RPS6KA5: variants seen among roughly 807,000 people sequenced by gnomAD.
The protein encoded by RPS6KA5 is ribosomal protein S6 kinase alpha-5.
RPS6KA5 carries 27 observed loss-of-function variants against 85.5 expected under a neutral mutation model. That is an observed-to-expected ratio of 0.32 (90% CI 0.23 to 0.44). The LOEUF is 0.44. Among genes scored for constraint, RPS6KA5 ranks in the 20% least tolerant of loss-of-function variants. RPS6KA5 has a pLI of 1.00. For missense variants in RPS6KA5, 811 were observed against 980.9 expected, an observed-to-expected ratio of 0.83 and a Z score of 2.31; for synonymous variants, 334 against 348.2, an observed-to-expected ratio of 0.96 and a Z score of 0.46.
At position 90,870,128 on chromosome 14, in the gene RPS6KA5, G is replaced by C. The variant is rs1295039946; in HGVS notation, c.*1946C>G. ...ATTAGCAACATAGTCCCTTTAGTTT[G>C]TACTTTATAACTAGTATTTTCTACC... On this transcript the variant is annotated 3_prime_UTR_variant, in exon 17 of 17. Transcript: ENST00000614987. 2 of 152,082 alleles carry C rather than the reference G, an allele frequency of 1.3e-5. No individual in the cohort carries two copies. Among genetic ancestry groups the C allele is most frequent in the Non-Finnish European group, 2.9e-5 (2 of 68,018 alleles). 9.4% of individuals were successfully genotyped at this position (152,082 alleles called of 1,614,324 possible).
At chr14:90,902,991 C>T in intron 8 of RPS6KA5, 22 bp from the exon 9 acceptor site, 3 of 1,595,830 alleles carry the variant, frequency 1.9e-6, no homozygotes, top group Non-Finnish European at 2.6e-6. Context: ...AAAGTTGGTA[C>T]AAAGTAGAAA....
chr14:90,940,497 T>C (rs903396843), intron 5 of RPS6KA5, among the ~76,000 whole-genome samples: 36 of 152,232 alleles, frequency 2.4e-4, no homozygotes, highest in Non-Finnish European at 2.9e-5. Flanking sequence ...CTAGCAACTC[T>C]GGTCAACTTT....
intron 5 of RPS6KA5, among the ~76,000 whole-genome samples, chr14:90,941,610 G>T (rs1253916488): frequency 6.6e-6 from 1 of 152,174 alleles, no homozygotes; most frequent in East Asian, 1.9e-4. Flanking sequence ...ATAGGATCTG[G>T]GGGTTACCTG....
At chr14:90,901,793 T>C (rs905309181) in intron 9 of RPS6KA5, among the ~76,000 whole-genome samples, 2 of 151,914 alleles carry the variant, frequency 1.3e-5, no homozygotes, top group Non-Finnish European at 2.9e-5. Context: ...CAAATGCCCT[T>C]TTCTAAATAT....
intron 13 of RPS6KA5, among the ~76,000 whole-genome samples, chr14:90,891,954 T>C (rs1313089181): frequency 6.6e-6 from 1 of 151,984 alleles, no homozygotes; most frequent in Admixed American, 6.6e-5. Context: ...ATGACCATGT[T>C]TATTCTATAT....
intron 3 of RPS6KA5, 74 bp from the exon 4 acceptor site, chr14:90,947,624 T>C: frequency 1.2e-6 from 1 of 866,680 alleles, no homozygotes; most frequent in Non-Finnish European, 1.9e-6. Flanking sequence ...TTTAATCACT[T>C]TGGATTCACC....
intron 5 of RPS6KA5, among the ~76,000 whole-genome samples, chr14:90,941,810 T>G (rs1420932694): frequency 6.6e-6 from 1 of 152,214 alleles, no homozygotes; most frequent in Non-Finnish European, 1.5e-5. Context: ...TCTTTTCCCT[T>G]TGGAGTGCAT....
intron 1 of RPS6KA5, among the ~76,000 whole-genome samples, chr14:91,002,286 A>G (rs1318507913): frequency 1.3e-5 from 2 of 152,176 alleles, no homozygotes; most frequent in African/African-American, 4.8e-5. Context: ...ATAGCTATGA[A>G]CACATACGTC....
chr14:90,919,011 C>T (rs1344603820), intron 7 of RPS6KA5, among the ~76,000 whole-genome samples: 1 of 152,164 alleles, frequency 6.6e-6, no homozygotes, highest in Non-Finnish European at 1.5e-5. Context: ...AATGTGAATG[C>T]ATTGAATCTA....
intron 2 of RPS6KA5, among the ~76,000 whole-genome samples, chr14:91,000,534 T>C (rs1015894388): frequency 1.3e-5 from 2 of 152,172 alleles, no homozygotes; most frequent in East Asian, 1.9e-4. Flanking sequence ...CAGTGGCTCA[T>C]GCCTATAATC....
At chr14:90,884,767 T>C (rs938222587) in intron 14 of RPS6KA5, among the ~76,000 whole-genome samples, 3 of 152,208 alleles carry the variant, frequency 2.0e-5, no homozygotes, top group African/African-American at 7.2e-5. Context: ...TTTTGAATCA[T>C]GCTGTTATAT....
At chr14:91,052,285 TAAAAAAAAAAAAAA>T (rs57523052) in intron 1 of RPS6KA5, 5,355 of 212,562 alleles carry the variant, frequency 0.025, 42 homozygotes, top group Middle Eastern at 0.04. Context: ...CCATCTCTAC[TAAAAAAAAAAAAAA>T]AAAAAAAAAA....
intron 1 of RPS6KA5, among the ~76,000 whole-genome samples, chr14:91,009,318 A>G (rs934368849): frequency 1.3e-5 from 2 of 152,208 alleles, no homozygotes; most frequent in African/African-American, 4.8e-5. Context: ...AACATCATCT[A>G]TGAAGCAGAG....
chr14:91,005,697 A>T (rs572117498), intron 1 of RPS6KA5, among the ~76,000 whole-genome samples: 3 of 152,362 alleles, frequency 2.0e-5, no homozygotes, highest in South Asian at 4.1e-4. Flanking sequence ...CATTGTGATT[A>T]AAGCTTTTGT....
rs113925994 is a variant in RPS6KA5 at position 90,971,563 on chromosome 14, C to A, written c.394+6743G>T. Among the ~76,000 whole-genome samples the A allele has an allele frequency of 8.8e-4, 134 of 152,262 alleles. 1 individual carries two copies. The highest frequency in any genetic ancestry group is 3.0e-3 in the African/African-American group (123 of 41,544). On this transcript the variant is annotated intron_variant, in intron 3 of 16. Transcript: ENST00000614987. Reference sequence around the variant, plus strand: ...TTCAAGTAGAAATGCTAGTCTATTCCGTATCTGGTTACTAAAAGCAAAATG... The same window carrying A: ...TTCAAGTAGAAATGCTAGTCTATTCAGTATCTGGTTACTAAAAGCAAAATG...
chr14:91,058,822 A>G (rs8021465), intron 1 of RPS6KA5, among the ~76,000 whole-genome samples: 6,250 of 152,322 alleles, frequency 0.041, 327 homozygotes, highest in African/African-American at 0.11. Context: ...ATGTTTACAA[A>G]TGTTGAATTA....
chr14:90,881,468 G>C (rs2033833447), intron 14 of RPS6KA5, among the ~76,000 whole-genome samples: 1 of 141,154 alleles, frequency 7.1e-6, no homozygotes, highest in African/African-American at 2.6e-5. Flanking sequence ...AAAAAAAAAA[G>C]TCTATTTTAG....
chr14:90,980,352 CACTATGGTTTTTAGAAATT>C (rs2039739236), intron 2 of RPS6KA5, among the ~76,000 whole-genome samples: 1 of 152,138 alleles, frequency 6.6e-6, no homozygotes, highest in South Asian at 2.1e-4. Flanking sequence ...AACTCCAGAG[CACTATGGTTTTTAGAAATT>C]AGGGAATCCA....
intron 1 of RPS6KA5, among the ~76,000 whole-genome samples, chr14:91,032,526 C>G (rs930188225): frequency 7.2e-5 from 11 of 152,064 alleles, no homozygotes; most frequent in African/African-American, 2.7e-4. Context: ...TAAAAAAAAA[C>G]TATAATACCT....
Sources: gnomAD v4.1 joint callset for allele counts (sites outside exome capture counted in the v4.1 genomes callset) on GRCh38, gnomAD v4.1.1 for gene constraint, MANE v1.5 for transcripts, NCBI Gene and HGNC (gene_info 2026-07-23, HGNC 2026-07-21) for gene names.